Variants in GAB4 observed in about 807,000 individuals in gnomAD.
The protein encoded by GAB4 is GRB2-associated-binding protein 4.
Under a neutral mutation model 51.3 loss-of-function variants are expected in GAB4, and 26 were observed. That is an observed-to-expected ratio of 0.51 (90% CI 0.37 to 0.70). The LOEUF (loss-of-function observed/expected upper bound fraction) is 0.70. Among genes scored for constraint, GAB4 ranks in the 30% least tolerant of loss-of-function variants. The pLI is 0.00. For missense variants in GAB4, 759 were observed against 734.6 expected, an observed-to-expected ratio of 1.03 and a Z score of -0.38; for synonymous variants, 329 against 291.2, an observed-to-expected ratio of 1.13 and a Z score of -1.32.
chr22:16,989,650 A>G (rs1036131852), intron 2 of GAB4, among the ~76,000 whole-genome samples: 5 of 152,198 alleles, frequency 3.3e-5, no homozygotes, highest in African/African-American at 4.8e-5. Context: ...CCAGTGGAGG[A>G]GCAAGGGTCT....
At chr22:16,976,796 A>G (rs1339136658) in intron 3 of GAB4, among the ~76,000 whole-genome samples, 1 of 152,264 alleles carries the variant, frequency 6.6e-6, no homozygotes, top group African/African-American at 2.4e-5. Flanking sequence ...CACAAAGGGC[A>G]GCCCATCAGA....
intron 3 of GAB4, 136 bp from the exon 4 acceptor site, chr22:16,970,329 T>C: frequency 1.0e-6 from 1 of 957,152 alleles, no homozygotes; most frequent in Admixed American, 2.6e-5. Flanking sequence ...TGGGCAGACC[T>C]GAGGTTTGTC....
chr22:16,999,085 A>G (rs1222763840), intron 1 of GAB4, among the ~76,000 whole-genome samples: 1 of 152,224 alleles, frequency 6.6e-6, no homozygotes, highest in African/African-American at 2.4e-5. Context: ...CATCAGGGAT[A>G]TTGGTCTAAA....
At chr22:16,975,689 T>C (rs2123669988) in intron 3 of GAB4, among the ~76,000 whole-genome samples, 1 of 152,296 alleles carries the variant, frequency 6.6e-6, no homozygotes, top group East Asian at 1.9e-4. Context: ...CTCAAGCAGG[T>C]CCCTGACCCC....
chr22:16,985,945 A>G lies in GAB4; in HGVS notation c.686+2015T>C, dbSNP rs568435137. 3.9e-5 allele frequency among the ~76,000 whole-genome samples: 6 copies of G among 152,362 alleles called. No homozygotes were observed. The South Asian group carries it at 8.3e-4, about 21-fold the overall frequency. The stretch of plus-strand genomic sequence containing the variant: ...CATCTTAACACAGAAATCCATTAAC[A>G]TGAGGCAGACAGCCCCAAATGCTGG... On this transcript the variant is annotated intron_variant, in intron 3 of 9. Transcript: ENST00000400588.
chr22:16,991,724 G>T (rs2060915502), intron 2 of GAB4, 149 bp downstream of exon 2: 5 of 685,272 alleles, frequency 7.3e-6, no homozygotes, highest in Admixed American at 7.0e-5. Flanking sequence ...TGGTATCGAG[G>T]TGTCTGAAGA....
chr22:16,977,068 T>C (rs1180958549), intron 3 of GAB4, among the ~76,000 whole-genome samples: 3 of 152,194 alleles, frequency 2.0e-5, no homozygotes, highest in Non-Finnish European at 2.9e-5. Context: ...TGCAAAACCA[T>C]ACCAAAATGT....
In GAB4 at chr22:16,968,033, C is replaced by T. The variant is rs537549079; in HGVS notation, c.1023+265G>A. ...AGCACCTGCTTAGAGCACCCAGAAC[C>T]CCAGCATTCTGCACCCTCTGCTACC... On this transcript the variant is annotated intron_variant, in intron 5 of 9. Coordinates refer to ENST00000400588, the MANE Select transcript of GAB4 (RefSeq NM_001037814.1). Among the ~76,000 whole-genome samples, 25 of 152,274 alleles carry T rather than the reference C, an allele frequency of 1.6e-4. No individual in the cohort carries two copies. In the South Asian group the frequency reaches 5.2e-3, roughly 32 times the overall value.
intron 1 of GAB4, among the ~76,000 whole-genome samples, chr22:17,006,945 T>C (rs1256756895): frequency 6.6e-6 from 1 of 152,020 alleles, no homozygotes; most frequent in African/African-American, 2.4e-5. Context: ...CCATGACACG[T>C]GTATATGTAT....
Position 16,993,988 on chromosome 22 carries a change from C to T in GAB4, c.175-1812G>A, listed in dbSNP as rs117837750. Among the ~76,000 whole-genome samples the T allele has an allele frequency of 1.7e-3, 255 of 152,246 alleles. 1 individual carries two copies. Among genetic ancestry groups the T allele is most frequent in the Non-Finnish European group, 2.5e-3 (169 of 68,016 alleles). ...TTGTGAACACCCTCTCGCTCACAAA[C>T]GGACATCACTTCAACAGTTCTCCAC... On this transcript the variant is annotated intron_variant, in intron 1 of 9. Coordinates refer to ENST00000400588, the MANE Select transcript of GAB4 (RefSeq NM_001037814.1).
intron 3 of GAB4, among the ~76,000 whole-genome samples, chr22:16,987,184 A>G (rs1374539596): frequency 6.6e-6 from 1 of 152,204 alleles, no homozygotes; most frequent in Non-Finnish European, 1.5e-5. Context: ...AGGTATTTCT[A>G]AACTAACAAA....
At chr22:17,005,443 T>C (rs4819938) in intron 1 of GAB4, among the ~76,000 whole-genome samples, 53,795 of 152,070 alleles carry the variant, frequency 0.35, 9,790 homozygotes, top group South Asian at 0.46. Flanking sequence ...AATTTACAGA[T>C]TCATTGCTAT....
At chr22:16,975,714 G>A (rs1403864667) in intron 3 of GAB4, among the ~76,000 whole-genome samples, 1 of 152,232 alleles carries the variant, frequency 6.6e-6, no homozygotes, top group Non-Finnish European at 1.5e-5. Context: ...CCTCCTGACT[G>A]GAGAAACCTC....
rs532197268 is a variant in GAB4, at chr22:16,986,269, A to G, written c.686+1691T>C. ...AGGACCCACCCTAGGTTCGCTGATG[A>G]AAACAAGCATCTCAGCAAGCTCCCC... is the stretch of plus-strand genomic sequence containing the variant. On this transcript the variant is annotated intron_variant, in intron 3 of 9. Transcript: ENST00000400588. Among the ~76,000 whole-genome samples the G allele has an allele frequency of 8.7e-4, 133 of 152,334 alleles. 2 individuals carry two copies. Among genetic ancestry groups the G allele is most frequent in the African/African-American group, 3.1e-3 (128 of 41,584 alleles).
At chr22:16,975,077 G>A (rs1601258685) in intron 3 of GAB4, among the ~76,000 whole-genome samples, 1 of 152,322 alleles carries the variant, frequency 6.6e-6, no homozygotes, top group Non-Finnish European at 1.5e-5. Flanking sequence ...ACAAAACTGG[G>A]CAGCTTTTTG....
intron 5 of GAB4, 50 bp downstream of exon 5, chr22:16,968,248 C>G: frequency 7.8e-7 from 1 of 1,274,904 alleles, no homozygotes. Flanking sequence ...TGGAGTGTGA[C>G]CTTTACCTCC....
chr22:16,974,634 C>T (rs2060761426), intron 3 of GAB4, among the ~76,000 whole-genome samples: 1 of 152,162 alleles, frequency 6.6e-6, no homozygotes, highest in Admixed American at 6.5e-5. Context: ...AAATGGTTTC[C>T]TAGGTTTTGT....
At position 16,964,792 on chromosome 22, in the gene GAB4, C is replaced by T; in HGVS notation, c.1450G>A (p.Asp484Asn). 2 of 1,613,918 alleles carry T rather than the reference C, an allele frequency of 1.2e-6. No homozygotes were observed. The highest frequency in any genetic ancestry group is 2.7e-5 in the African/African-American group (2 of 75,030). ...TQSITNTDSE[D>N]SGERYLFPNP... is the part of the protein sequence containing the mutation. ...GGGAAAAGATACCTCTCTCCACTGTCTTCTGAGTCTGTGTTGGTGATGCTC... is the reference window on the plus strand; with the variant it reads ...GGGAAAAGATACCTCTCTCCACTGTTTTCTGAGTCTGTGTTGGTGATGCTC... The change falls in exon 8 of 10, where the codon GAC becomes AAC. Residue 484 changes from aspartate (D) to asparagine (N), a missense_variant. Coordinates refer to ENST00000400588, the MANE Select transcript of GAB4 (RefSeq NM_001037814.1).
chr22:16,975,645 A>G (rs1447500682), intron 3 of GAB4, among the ~76,000 whole-genome samples: 2 of 152,214 alleles, frequency 1.3e-5, no homozygotes, highest in South Asian at 4.1e-4. Flanking sequence ...CTCCCAGCAC[A>G]ACGCCCGAGC....
Sources: allele counts gnomAD v4.1 joint callset (sites outside exome capture counted in the v4.1 genomes callset), GRCh38; gene constraint gnomAD v4.1.1; transcripts MANE v1.5; gene names NCBI Gene and HGNC (gene_info 2026-07-23, HGNC 2026-07-21).